The following DST variants were observed in gnomAD, a reference collection of about 807,000 sequenced individuals.
The protein encoded by DST is bullous pemphigoid antigen.
Under a neutral mutation model 875.2 loss-of-function variants are expected in DST, and 253 were observed. The ratio of observed to expected loss-of-function variants is 0.29; its 90% CI spans 0.26 to 0.32. DST has a LOEUF of 0.32. DST is among the 10% of genes least tolerant of loss of function. The pLI is 1.00. For missense variants in DST, 8,287 were observed against 9,111.6 expected, an observed-to-expected ratio of 0.91 and a Z score of 3.68; for synonymous variants, 3,124 against 3,197.1, an observed-to-expected ratio of 0.98 and a Z score of 0.77.
intron 4 of DST, among the ~76,000 whole-genome samples, chr6:56,746,137 C>G (rs536101620): frequency 2.6e-5 from 4 of 152,138 alleles, no homozygotes; most frequent in African/African-American, 9.6e-5. Context: ...GCACACCCCA[C>G]CACCCCCAGC....
chr6:56,506,624 A>G, intron 76 of DST, 43 bp downstream of exon 76: 1 of 1,610,970 alleles, frequency 6.2e-7, no homozygotes, highest in Non-Finnish European at 8.5e-7. Context: ...TTAGTTAACT[A>G]AAAACTTTTT....
intron 10 of DST, among the ~76,000 whole-genome samples, chr6:56,654,016 T>A (rs1587856702): frequency 1.3e-5 from 2 of 152,338 alleles, no homozygotes; most frequent in South Asian, 4.1e-4. Flanking sequence ...CCATCTTAGG[T>A]TTGACTAACC....
intron 4 of DST, among the ~76,000 whole-genome samples, chr6:56,751,195 T>C (rs2099585825): frequency 6.6e-6 from 1 of 152,176 alleles, no homozygotes; most frequent in South Asian, 2.1e-4. Context: ...TATTAGCTAC[T>C]AGTAGAAAAA....
At chr6:56,650,854 CATT>C (rs1277115264) in intron 12 of DST, 69 bp downstream of exon 12, 2 of 933,824 alleles carry the variant, frequency 2.1e-6, no homozygotes, top group East Asian at 4.9e-5. Context: ...CTGCAAAAAT[CATT>C]ATCAATAAAT....
At chr6:56,585,831 T>A (rs1236177344) in intron 49 of DST, among the ~76,000 whole-genome samples, 1 of 152,202 alleles carries the variant, frequency 6.6e-6, no homozygotes, top group African/African-American at 2.4e-5. Flanking sequence ...CATCTTTATT[T>A]CTGCCTTCAT....
chr6:56,779,231 G>C (rs1188082084), intron 4 of DST, among the ~76,000 whole-genome samples: 2 of 151,942 alleles, frequency 1.3e-5, no homozygotes, highest in Non-Finnish European at 2.9e-5. Flanking sequence ...TGATGGGGTT[G>C]TTTGTTTTTT....
intron 80 of DST, among the ~76,000 whole-genome samples, chr6:56,500,303 AC>A (rs1246739389): frequency 3.3e-5 from 5 of 152,078 alleles, no homozygotes; most frequent in African/African-American, 9.7e-5. Flanking sequence ...GCCAGGATAA[AC>A]TCTACTGTGC....
intron 3 of DST, among the ~76,000 whole-genome samples, chr6:56,879,058 T>C (rs1780795083): frequency 6.6e-6 from 1 of 152,208 alleles, no homozygotes. Context: ...ATTTGATTTC[T>C]CTTTGCACTC....
Position 56,783,693 on chromosome 6 carries a change from G to A in DST, c.626-48404C>T, listed in dbSNP as rs2099699086. 2.0e-5 allele frequency among the ~76,000 whole-genome samples: 3 copies of A among 152,048 alleles called. No homozygotes were observed. The South Asian group carries it at 6.2e-4, about 32-fold the overall frequency. On this transcript the variant is annotated intron_variant, in intron 4 of 103. Coordinates refer to ENST00000680361, the MANE Select transcript of DST (RefSeq NM_001374736.1). ...CTCTTGATCCAATTTGCCAGTCTGT[G>A]TCTTTTAATTGGAGCATTTAGTCCA...
chr6:56,851,550 C>T lies in DST; in HGVS notation c.472G>A (p.Asp158Asn), dbSNP rs745800247. 1 of 1,613,982 alleles carries T rather than the reference C, an allele frequency of 6.2e-7. No individual in the cohort carries two copies. The highest frequency in any genetic ancestry group is 8.5e-7 in the Non-Finnish European group (1 of 1,179,882). ...GATTTCTGGCTGAAATCATCCTCAT[C>T]GGAAAAATCCGCAGAGGAAGACATA... ...CSMSSSADFS[D>N]EDDFSQKSGS... Residue 158 changes from aspartate to asparagine, a missense_variant, in exon 4 of 104, where the codon GAT becomes AAT. Physicochemically the swap from Asp to Asn is conservative, Grantham distance 23. Coordinates refer to ENST00000680361, the MANE Select transcript of DST (RefSeq NM_001374736.1).
At chr6:56,897,589 C>A (rs1792058864) in intron 3 of DST, among the ~76,000 whole-genome samples, 1 of 152,080 alleles carries the variant, frequency 6.6e-6, no homozygotes, top group African/African-American at 2.4e-5. Context: ...CCTTGGTATC[C>A]CAAGGTGCTG....
intron 3 of DST, among the ~76,000 whole-genome samples, chr6:56,895,101 C>T (rs1790507406): frequency 1.1e-5 from 1 of 92,268 alleles, no homozygotes; most frequent in African/African-American, 6.2e-5. Context: ...CCAGTAGGGG[C>T]GGCCGGGCAG....
At chr6:56,589,519 G>A (rs1350560828) in intron 49 of DST, among the ~76,000 whole-genome samples, 1 of 152,196 alleles carries the variant, frequency 6.6e-6, no homozygotes, top group African/African-American at 2.4e-5. Context: ...AGAAGACAGC[G>A]AAGTCTATAC....
rs1332147513 is a variant in DST at position 56,778,754 on chromosome 6, G to A, written c.626-43465C>T. On this transcript the variant is annotated intron_variant, in intron 4 of 103. Coordinates refer to ENST00000680361, the MANE Select transcript of DST (RefSeq NM_001374736.1). ...CTGTATAGTATTCCATGGTGTATAT[G>A]TGCCACATTTTCTTAATCCAGTCTA... Among the ~76,000 whole-genome samples, 6 of 151,974 alleles carry A rather than the reference G, an allele frequency of 3.9e-5. No individual in the cohort carries two copies. In the East Asian group the frequency reaches 9.7e-4, roughly 24 times the overall value.
At chr6:56,584,255 C>T (rs2098093661) in intron 49 of DST, among the ~76,000 whole-genome samples, 1 of 151,658 alleles carries the variant, frequency 6.6e-6, no homozygotes, top group Non-Finnish European at 1.5e-5. Context: ...TGTTTGTATC[C>T]TCTTTTATTT....
At chr6:56,602,034 T>C in intron 43 of DST, 1 of 429,678 alleles carries the variant, frequency 2.3e-6, no homozygotes, top group Non-Finnish European at 4.5e-6. Context: ...TTGCTAACAT[T>C]TACAACATCC....
At position 56,555,633 on chromosome 6, in the gene DST, T is replaced by C. The variant is rs1562767441; in HGVS notation, c.14848A>G (p.Thr4950Ala). Residue 4950 changes from threonine to alanine, a missense_variant, in exon 60 of 104, where the codon ACA (threonine) becomes GCA (alanine). Thr to Ala is a moderately conservative substitution (Grantham distance 58). This residue lies in a region of DST where 1,513 missense variants were observed against 1,677.8 expected (regional missense o/e 0.90). Coordinates refer to ENST00000680361, the MANE Select transcript of DST (RefSeq NM_001374736.1). ...CTTCTCAGCAGGCTTTGATACTGTGTGCTTTTAACAATGGCTTGGTCAATC... is the reference window on the plus strand; with the variant it reads ...CTTCTCAGCAGGCTTTGATACTGTGCGCTTTTAACAATGGCTTGGTCAATC... ...DWIDQAIVKSTQYQSLLRSLS... is the reference protein window; with the variant it reads ...DWIDQAIVKSAQYQSLLRSLS... The C allele has an allele frequency of 1.9e-6, 3 of 1,614,004 alleles. No homozygotes were observed. The highest frequency in any genetic ancestry group is 2.5e-6 in the Non-Finnish European group (3 of 1,179,882).
At chr6:56,907,353 G>C (rs1179994510) in intron 2 of DST, among the ~76,000 whole-genome samples, 1 of 152,190 alleles carries the variant, frequency 6.6e-6, no homozygotes, top group East Asian at 1.9e-4. Context: ...TATTTTCCTT[G>C]GAGGTTGAAT....
At position 56,604,062 on chromosome 6, in the gene DST, C is replaced by T; in HGVS notation, c.10566G>A (p.Met3522Ile). 1.3e-6 allele frequency: 2 copies of T among 1,584,624 alleles called. No homozygotes were observed. Among genetic ancestry groups the T allele is most frequent in the South Asian group, 2.3e-5 (2 of 87,704 alleles). The change falls in exon 40 of 104, where the codon ATG (methionine) becomes ATA (isoleucine). Residue 3522 changes from methionine to isoleucine, a missense_variant. Met to Ile is a conservative substitution (Grantham distance 10). Around this residue, in one of 10 missense-constraint regions of DST, gnomAD observed 3,138 missense variants for 3,116.6 expected, o/e 1.01. Transcript: ENST00000680361. ...NQKACSTSEM[M>I]EEKPHILGDI... ...CACCAAGAATATGTGGCTTTTCTTC[C>T]ATCATCTCAGATGTAGAACATGCTT...
Sources: gnomAD v4.1 joint callset for allele counts (sites outside exome capture counted in the v4.1 genomes callset) on GRCh38, gnomAD v4.1.1 for gene constraint, gnomAD v4.1.1 regional missense constraint, MANE v1.5 for transcripts, NCBI Gene and HGNC (gene_info 2026-07-23, HGNC 2026-07-21) for gene names.